The following DOCK3 variants were observed in gnomAD, a reference collection of about 807,000 sequenced individuals.
DOCK3 encodes the protein dedicator of cytokinesis 3, also known as dedicator of cytokinesis protein 3.
A neutral mutation model predicts 265.6 loss-of-function variants in DOCK3; 60 were observed. The ratio of observed to expected loss-of-function variants is 0.23; its 90% CI spans 0.18 to 0.28. The LOEUF (loss-of-function observed/expected upper bound fraction) is 0.28. DOCK3 is among the 10% of genes least tolerant of loss of function. The pLI, the probability that DOCK3 is intolerant of heterozygous loss-of-function variation, is 1.00. For missense variants in DOCK3, 1,981 were observed against 2,594.3 expected (o/e 0.76, Z 5.14); for synonymous variants, 881 against 938.0 (o/e 0.94, Z 1.11).
rs543434043 is a variant in DOCK3 at position 51,070,611 on chromosome 3, CTG to C, written c.465-4741_465-4740del. Among the ~76,000 whole-genome samples, 22 of 152,218 alleles carry C rather than the reference CTG, an allele frequency of 1.4e-4. No individual in the cohort carries two copies. In the East Asian group the frequency reaches 3.9e-3, roughly 27 times the overall value. The stretch of plus-strand genomic sequence containing the variant: ...TATATGTTATATAAATGTAAATATG[CTG>C]TGTTTTCATTAGTATAGTTCTTATC... On this transcript the variant is annotated intron_variant, in intron 6 of 52. Coordinates refer to ENST00000266037, the MANE Select transcript of DOCK3 (RefSeq NM_004947.5).
At chr3:50,707,435 T>TAA (rs778924258) in intron 1 of DOCK3, among the ~76,000 whole-genome samples, 4 of 136,894 alleles carry the variant, frequency 2.9e-5, no homozygotes, top group Non-Finnish European at 3.2e-5. Flanking sequence ...AGACTCTGTC[T>TAA]AAAAAAAAAA....
intron 32 of DOCK3, among the ~76,000 whole-genome samples, chr3:51,318,564 A>G (rs1039997269): frequency 6.6e-6 from 1 of 152,086 alleles, no homozygotes; most frequent in Non-Finnish European, 1.5e-5. Flanking sequence ...AAATAATTCC[A>G]TGCAACTGAA....
Position 51,382,650 on chromosome 3 carries a change from TCTC to T in DOCK3, c.*1094_*1096del, listed in dbSNP as rs2088726784. The T allele has an allele frequency of 6.6e-6, 1 of 152,420 alleles. No homozygotes were observed. Among genetic ancestry groups the T allele is most frequent in the South Asian group, 2.1e-4 (1 of 4,822 alleles). The allele number at this position is 152,420 out of a possible 1,614,324, so 9.4% of individuals were successfully genotyped here. On this transcript the variant is annotated 3_prime_UTR_variant, in exon 53 of 53. Transcript: ENST00000266037. Reference sequence around the variant, plus strand: ...TGGGTAAAGAGGGTGGGAGGGGGCTTCTCCTTTTGGAAGCAGATAGCCATGCAG... The same window carrying T: ...TGGGTAAAGAGGGTGGGAGGGGGCTTCTTTTGGAAGCAGATAGCCATGCAG...
intron 4 of DOCK3, among the ~76,000 whole-genome samples, chr3:50,904,234 T>C (rs2049353476): frequency 6.6e-6 from 1 of 152,238 alleles, no homozygotes; most frequent in South Asian, 2.1e-4. Context: ...CGTGTGCATG[T>C]GTCTTTATAG....
chr3:50,990,055 T>C (rs187556887), intron 5 of DOCK3, among the ~76,000 whole-genome samples: 17 of 152,230 alleles, frequency 1.1e-4, no homozygotes, highest in Non-Finnish European at 2.1e-4. Context: ...GAAAAAATCT[T>C]GGAATTTAAA....
At chr3:51,357,622 G>A in intron 44 of DOCK3, 136 bp from the exon 45 acceptor site, 1 of 777,028 alleles carries the variant, frequency 1.3e-6, no homozygotes, top group African/African-American at 1.7e-5. Flanking sequence ...GTTCAAACAG[G>A]CCAGACTGGT....
At chr3:51,364,735 T>C (rs2087006926) in intron 49 of DOCK3, among the ~76,000 whole-genome samples, 1 of 152,338 alleles carries the variant, frequency 6.6e-6, no homozygotes, top group Middle Eastern at 3.4e-3. Context: ...ATTTATTAAA[T>C]AGAGAATCTT....
intron 49 of DOCK3, among the ~76,000 whole-genome samples, chr3:51,368,856 C>G (rs995647283): frequency 6.6e-6 from 1 of 152,210 alleles, no homozygotes; most frequent in Non-Finnish European, 1.5e-5. Flanking sequence ...TGAGACAAAG[C>G]TTCCAGAGTG....
At chr3:51,081,873 G>A (rs1262295317) in intron 7 of DOCK3, among the ~76,000 whole-genome samples, 3 of 145,626 alleles carry the variant, frequency 2.1e-5, no homozygotes, top group African/African-American at 5.1e-5. Flanking sequence ...TCTAGCCTGG[G>A]CGACAGAGCA....
chr3:50,821,870 G>T (rs984777206), intron 2 of DOCK3, among the ~76,000 whole-genome samples: 4 of 152,098 alleles, frequency 2.6e-5, no homozygotes, highest in Admixed American at 6.6e-5. Flanking sequence ...ATTGATCTAT[G>T]TGTCTGTTTT....
At chr3:50,830,939 C>G (rs1381914890) in intron 2 of DOCK3, among the ~76,000 whole-genome samples, 3 of 151,934 alleles carry the variant, frequency 2.0e-5, no homozygotes, top group African/African-American at 7.2e-5. Flanking sequence ...GTAGATTATT[C>G]AAGAGTTTTC....
intron 9 of DOCK3, among the ~76,000 whole-genome samples, chr3:51,090,723 A>T (rs1226820222): frequency 6.6e-6 from 1 of 152,184 alleles, no homozygotes; most frequent in Non-Finnish European, 1.5e-5. Flanking sequence ...AGAGACACAC[A>T]GCTCCAGAGT....
At chr3:50,972,951 A>G (rs1022875636) in intron 5 of DOCK3, among the ~76,000 whole-genome samples, 3 of 139,544 alleles carry the variant, frequency 2.1e-5, no homozygotes, top group African/African-American at 8.1e-5. Context: ...GAATAATGTC[A>G]TTGGTATTTT....
At chr3:50,858,089 T>G (rs915802740) in intron 3 of DOCK3, among the ~76,000 whole-genome samples, 14 of 152,302 alleles carry the variant, frequency 9.2e-5, no homozygotes, top group Non-Finnish European at 1.8e-4. Context: ...CATGGAATAC[T>G]ATGCAGCCAT....
intron 1 of DOCK3, among the ~76,000 whole-genome samples, chr3:50,727,719 A>C (rs1014848169): frequency 2.0e-5 from 3 of 152,182 alleles, no homozygotes; most frequent in Non-Finnish European, 2.9e-5. Flanking sequence ...AAAACAAAAA[A>C]GGATGAAAGG....
At position 51,228,671 on chromosome 3, in the gene DOCK3, A is replaced by G. The variant is rs1296917883; in HGVS notation, c.1658A>G (p.Asn553Ser). Residue 553 changes from asparagine to serine, a missense_variant, in exon 18 of 53, where the codon AAT becomes AGT. Physicochemically the swap from Asn to Ser is conservative, Grantham distance 46. This residue lies in a region of DOCK3 where 1,357 missense variants were observed against 1,866.8 expected (regional missense o/e 0.73). Coordinates refer to ENST00000266037, the MANE Select transcript of DOCK3 (RefSeq NM_004947.5). The stretch of plus-strand genomic sequence containing the variant: ...CATTTTTGCCTACAGTGTGATGAGA[A>G]TAGCACGTTTAATAACCATGCTCTG... ...HELYVYKCDE[N>S]STFNNHALYL... is the part of the protein sequence containing the mutation. 6.2e-7 allele frequency: 1 copy of G among 1,613,656 alleles called. No homozygotes were observed.
In DOCK3 at chr3:50,787,158, A is replaced by G. The variant is rs1320852807; in HGVS notation, c.121+8400A>G. On this transcript the variant is annotated intron_variant, in intron 2 of 52. Transcript: ENST00000266037. ...ACAGTCTGTTTGCCGGTGAAGATAT[A>G]GCTCACTTTCCAGGACAAACTTATT... The G allele has an allele frequency of 6.0e-6, 4 of 668,876 alleles. No individual in the cohort carries two copies. In the African/African-American group the frequency reaches 7.2e-5, roughly 12 times the overall value. 41.4% of individuals were successfully genotyped at this position (668,876 alleles called of 1,614,324 possible).
chr3:50,778,604 T>A, intron 1 of DOCK3, 71 bp from the exon 2 acceptor site: 1 of 1,168,538 alleles, frequency 8.6e-7, no homozygotes, highest in South Asian at 1.5e-5. Flanking sequence ...ATTTAGTGCT[T>A]AATTCAGTGA....
intron 22 of DOCK3, among the ~76,000 whole-genome samples, chr3:51,250,912 C>T (rs923148712): frequency 9.2e-5 from 14 of 152,148 alleles, no homozygotes; most frequent in Non-Finnish European, 1.5e-4. Flanking sequence ...GATACATGTG[C>T]ACAACGTGCA....
Sources: allele counts gnomAD v4.1 joint callset (sites outside exome capture counted in the v4.1 genomes callset), GRCh38; gene constraint gnomAD v4.1.1; regional missense constraint gnomAD v4.1.1; transcripts MANE v1.5; gene names NCBI Gene and HGNC (gene_info 2026-07-23, HGNC 2026-07-21).